MYZAP: variants seen among roughly 807,000 people sequenced by gnomAD.
The protein encoded by MYZAP is myocardial zonula adherens protein.
In MYZAP, 66 loss-of-function variants were observed where a neutral mutation model predicts 69.4. The observed-to-expected ratio is 0.95, with a 90% CI of 0.78 to 1.17. The LOEUF is 1.17. Ranked by LOEUF, MYZAP falls within the 50% of genes most tolerant of loss-of-function variation. The pLI, the probability that MYZAP is intolerant of heterozygous loss-of-function variation, is 0.00. For synonymous variants in MYZAP, 256 were observed against 205.9 expected, an observed-to-expected ratio of 1.24 and a Z score of -2.09; for missense variants, 611 against 556.2, an observed-to-expected ratio of 1.10 and a Z score of -0.99.
At position 57,599,352 on chromosome 15, in the gene MYZAP, A is replaced by ATTT. The variant is rs58670224; in HGVS notation, c.76-4904_76-4902dup. 7.4e-3 allele frequency: 3,706 copies of ATTT among 499,404 alleles called. 8 individuals carry two copies. The highest frequency in any genetic ancestry group is 8.5e-3 in the African/African-American group (386 of 45,326). 30.9% of individuals were successfully genotyped at this position (499,404 alleles called of 1,614,324 possible). A position where few individuals can be genotyped will look rare whatever the true frequency, so the allele number is the denominator to read the frequency against. On this transcript the variant is annotated intron_variant, in intron 1 of 12. Transcript: ENST00000267853. ...GATTATGTACTCCTTGGAGGCCAGC[A>ATTT]TTTTTTTTTTTTTTTGCCATCGTCG...
At position 57,650,615 on chromosome 15, in the gene MYZAP, G is replaced by A. The variant is rs146932804; in HGVS notation, c.1120-10835G>A. Among the ~76,000 whole-genome samples the A allele has an allele frequency of 3.3e-3, 502 of 152,306 alleles. 12 individuals are homozygous for A. The highest frequency in any genetic ancestry group is 0.03 in the East Asian group (154 of 5,170). On this transcript the variant is annotated intron_variant, in intron 10 of 12. Transcript: ENST00000267853. ...TTTCCTTATCAATAATATGGGAATG[G>A]TCATAACATTACCTCCTCAAGTGGT...
chr15:57,668,587 C>T (rs2038707003), intron 11 of MYZAP, among the ~76,000 whole-genome samples: 2 of 152,132 alleles, frequency 1.3e-5, no homozygotes, highest in Admixed American at 6.5e-5. Context: ...AGTGCTGTCT[C>T]ATGTGGTTTT....
intron 1 of MYZAP, among the ~76,000 whole-genome samples, chr15:57,595,150 C>T (rs538738430): frequency 6.6e-6 from 1 of 152,250 alleles, no homozygotes; most frequent in Non-Finnish European, 1.5e-5. Flanking sequence ...ATGGCTGCCA[C>T]CTGCAATTTG....
intron 5 of MYZAP, among the ~76,000 whole-genome samples, chr15:57,627,807 G>A (rs1226845591): frequency 6.6e-6 from 1 of 152,112 alleles, no homozygotes; most frequent in African/African-American, 2.4e-5. Context: ...CCAGAGTGTA[G>A]GTTTTTGTGT....
rs915196937 is a variant in MYZAP at position 57,632,426 on chromosome 15, C to T, written c.679-8C>T. The T allele has an allele frequency of 2.1e-5, 34 of 1,613,842 alleles. No individual in the cohort carries two copies. Among genetic ancestry groups the T allele is most frequent in the East Asian group, 4.5e-5 (2 of 44,886 alleles). On this transcript the variant is annotated splice_polypyrimidine_tract_variant and splice_region_variant and intron_variant, in intron 6 of 12. Transcript: ENST00000267853. The stretch of plus-strand genomic sequence containing the variant: ...AAAGCTGTCGTTCTGAAATGAGTCT[C>T]GTTGTAGGTGGAATCGTCCCAAGAA...
chr15:57,633,125 C>T (rs1446575496), intron 7 of MYZAP, among the ~76,000 whole-genome samples: 4 of 152,144 alleles, frequency 2.6e-5, no homozygotes, highest in African/African-American at 9.7e-5. Flanking sequence ...TTCCTGAAGG[C>T]GGGGACTCCA....
intron 4 of MYZAP, among the ~76,000 whole-genome samples, chr15:57,622,391 TG>T (rs2140400496): frequency 6.6e-6 from 1 of 152,134 alleles, no homozygotes; most frequent in East Asian, 1.9e-4. Flanking sequence ...CAACAGGTTT[TG>T]TTTTTTATAA....
chr15:57,644,995 G>A (rs908674279), intron 10 of MYZAP, among the ~76,000 whole-genome samples: 2 of 152,224 alleles, frequency 1.3e-5, no homozygotes, highest in Non-Finnish European at 2.9e-5. Context: ...TCTTCCAACT[G>A]TGCATGTATG....
chr15:57,652,374 AT>A (rs1308397989), intron 10 of MYZAP, among the ~76,000 whole-genome samples: 2 of 151,794 alleles, frequency 1.3e-5, no homozygotes, highest in African/African-American at 4.8e-5. Context: ...TCTATGCATT[AT>A]TTTTTTTGTT....
chr15:57,612,911 C>A (rs1256031481), intron 2 of MYZAP, among the ~76,000 whole-genome samples: 1 of 152,082 alleles, frequency 6.6e-6, no homozygotes, highest in Non-Finnish European at 1.5e-5. Flanking sequence ...TCTTTTTATT[C>A]TACACTTTAA....
intron 5 of MYZAP, among the ~76,000 whole-genome samples, chr15:57,626,898 G>A (rs1009579583): frequency 6.6e-6 from 1 of 152,212 alleles, no homozygotes; most frequent in Non-Finnish European, 1.5e-5. Flanking sequence ...TGGGGCTTCT[G>A]AGTCCCACCC....
chr15:57,631,195 G>A (rs2036484586), intron 6 of MYZAP, among the ~76,000 whole-genome samples: 1 of 152,064 alleles, frequency 6.6e-6, no homozygotes, highest in Non-Finnish European at 1.5e-5. Context: ...TTTCAGCTTA[G>A]GGGATTTATT....
intron 12 of MYZAP, among the ~76,000 whole-genome samples, chr15:57,680,277 CCTT>C (rs1438844491): frequency 1.6e-4 from 24 of 152,144 alleles, no homozygotes; most frequent in African/African-American, 5.6e-4. Flanking sequence ...TGACTTGACT[CCTT>C]CTTTCCCATT....
intron 12 of MYZAP, among the ~76,000 whole-genome samples, chr15:57,683,896 G>T (rs571013828): frequency 9.2e-5 from 14 of 152,208 alleles, no homozygotes; most frequent in African/African-American, 3.1e-4. Context: ...CCGGGTTCAA[G>T]CAGTTCTTCT....
intron 4 of MYZAP, among the ~76,000 whole-genome samples, chr15:57,624,460 A>G (rs117597831): frequency 0.015 from 2,252 of 152,286 alleles, 30 homozygotes; most frequent in South Asian, 0.045. Context: ...GATTATAGGA[A>G]TGGGGCTGTA....
intron 2 of MYZAP, among the ~76,000 whole-genome samples, chr15:57,617,242 A>G (rs751050763): frequency 3.3e-5 from 5 of 152,220 alleles, no homozygotes; most frequent in Non-Finnish European, 7.3e-5. Flanking sequence ...TTGCTGTGTC[A>G]TAGAGTGGTT....
chr15:57,618,582 G>C (rs1179493764), intron 3 of MYZAP, among the ~76,000 whole-genome samples: 2 of 152,166 alleles, frequency 1.3e-5, no homozygotes. Flanking sequence ...CAAATGCTAG[G>C]AAGTCAACCA....
At chr15:57,640,628 T>TAAA (rs1179229502) in intron 10 of MYZAP, among the ~76,000 whole-genome samples, 2 of 152,180 alleles carry the variant, frequency 1.3e-5, no homozygotes, top group African/African-American at 4.8e-5. Context: ...CTCTAAGATA[T>TAAA]TGGGGATATT....
At chr15:57,682,230 A>G (rs1247491686) in intron 12 of MYZAP, among the ~76,000 whole-genome samples, 1 of 152,168 alleles carries the variant, frequency 6.6e-6, no homozygotes, top group Non-Finnish European at 1.5e-5. Flanking sequence ...TCTACATAAA[A>G]GGGAAGAGAG....
Sources: gnomAD v4.1 joint callset for allele counts (sites outside exome capture counted in the v4.1 genomes callset) on GRCh38, gnomAD v4.1.1 for gene constraint, MANE v1.5 for transcripts, NCBI Gene and HGNC (gene_info 2026-07-23, HGNC 2026-07-21) for gene names.